Variants in MOB3B observed in about 807,000 individuals in gnomAD.
The protein encoded by MOB3B is MOB kinase activator 3B, also known as MOB kinase activator-like 2B.
Under a neutral mutation model 18.7 loss-of-function variants are expected in MOB3B, and 7 were observed. That is an observed-to-expected ratio of 0.37 (90% CI 0.21 to 0.70). The LOEUF is 0.70. MOB3B is among the 30% of genes least tolerant of loss of function. The probability of loss-of-function intolerance (pLI) is 0.52; values close to 1 mark genes in which losing one functional copy is unlikely to be tolerated. For missense variants in MOB3B, 253 were observed against 281.3 expected (o/e 0.90, Z 0.72); for synonymous variants, 111 against 99.9 (o/e 1.11, Z -0.66).
intron 2 of MOB3B, among the ~76,000 whole-genome samples, chr9:27,413,169 C>T (rs1724552440): frequency 6.6e-6 from 1 of 152,156 alleles, no homozygotes; most frequent in African/African-American, 2.4e-5. Context: ...GGAATTCTGC[C>T]ATATCTCCAT....
At chr9:27,473,385 C>G (rs10812601) in intron 1 of MOB3B, among the ~76,000 whole-genome samples, 101,496 of 151,840 alleles carry the variant, frequency 0.67, 37,067 homozygotes, top group Non-Finnish European at 0.83. Flanking sequence ...TGGAGAGCCA[C>G]GCTCCTAGAG....
At chr9:27,474,755 C>A (rs573701639) in intron 1 of MOB3B, among the ~76,000 whole-genome samples, 5 of 152,306 alleles carry the variant, frequency 3.3e-5, no homozygotes, top group Admixed American at 2.6e-4. Flanking sequence ...TCAAAACAAA[C>A]TTTGAAATCT....
chr9:27,379,499 C>T (rs1821542866), intron 2 of MOB3B, among the ~76,000 whole-genome samples: 1 of 152,130 alleles, frequency 6.6e-6, no homozygotes, highest in Non-Finnish European at 1.5e-5. Flanking sequence ...TACCATCATC[C>T]CCTGTTCACA....
At chr9:27,521,714 A>G (rs1820335013) in intron 1 of MOB3B, among the ~76,000 whole-genome samples, 1 of 152,046 alleles carries the variant, frequency 6.6e-6, no homozygotes, top group Admixed American at 6.6e-5. Flanking sequence ...GTGTGTAATT[A>G]TAAGTATATA....
At chr9:27,493,577 G>T (rs929526714) in intron 1 of MOB3B, among the ~76,000 whole-genome samples, 4 of 151,998 alleles carry the variant, frequency 2.6e-5, no homozygotes, top group African/African-American at 9.7e-5. Flanking sequence ...GGAGGTGAAG[G>T]TTGCAGTGAG....
intron 3 of MOB3B, among the ~76,000 whole-genome samples, chr9:27,340,969 T>A (rs10812570): frequency 2.0e-5 from 3 of 152,092 alleles, no homozygotes; most frequent in Non-Finnish European, 2.9e-5. Context: ...AAAGGGTGAC[T>A]GAGTGCACCC....
At chr9:27,437,349 A>G (rs1417580041) in intron 2 of MOB3B, among the ~76,000 whole-genome samples, 1 of 152,058 alleles carries the variant, frequency 6.6e-6, no homozygotes, top group East Asian at 1.9e-4. Context: ...AATGTTCTAA[A>G]CTCTGACCTA....
rs903373640 is a variant in MOB3B at position 27,383,950 on chromosome 9, C to A, written c.419-24714G>T. Reference sequence around the variant, plus strand: ...AAGTGAATCATAGTTAAATAAAATGCCATTTACTCAAGCCCCTTCCAGGAA... The same window carrying A: ...AAGTGAATCATAGTTAAATAAAATGACATTTACTCAAGCCCCTTCCAGGAA... On this transcript the variant is annotated intron_variant, in intron 2 of 3. Coordinates refer to ENST00000262244, the MANE Select transcript of MOB3B (RefSeq NM_024761.5). Among the ~76,000 whole-genome samples the A allele has an allele frequency of 2.0e-5, 3 of 152,140 alleles. No individual in the cohort carries two copies. The South Asian group carries it at 6.2e-4, about 31-fold the overall frequency.
chr9:27,342,872 T>C (rs1820970332), intron 3 of MOB3B, among the ~76,000 whole-genome samples: 1 of 151,294 alleles, frequency 6.6e-6, no homozygotes, highest in Admixed American at 6.6e-5. Flanking sequence ...GATTGCAGCC[T>C]CTGCCCGGCC....
chr9:27,481,771 C>T (rs1419738311), intron 1 of MOB3B, among the ~76,000 whole-genome samples: 4 of 152,018 alleles, frequency 2.6e-5, no homozygotes, highest in South Asian at 2.1e-4. Flanking sequence ...ATGATCTGCC[C>T]GCCTCGGCCT....
intron 3 of MOB3B, among the ~76,000 whole-genome samples, chr9:27,356,055 G>A (rs1000955974): frequency 4.6e-5 from 7 of 152,154 alleles, no homozygotes; most frequent in African/African-American, 1.7e-4. Context: ...CACTGCATGT[G>A]CTAAGTATCC....
chr9:27,339,225 C>G (rs1169360749), intron 3 of MOB3B, among the ~76,000 whole-genome samples: 4 of 152,144 alleles, frequency 2.6e-5, no homozygotes, highest in Non-Finnish European at 5.9e-5. Context: ...TGGTGGAATC[C>G]TTAGGCGAGG....
intron 2 of MOB3B, chr9:27,378,484 G>T (rs566169943): frequency 6.4e-6 from 3 of 471,076 alleles, no homozygotes; most frequent in East Asian, 1.4e-4. Context: ...TACTCCTGGC[G>T]CAAGGGCAAA....
chr9:27,355,545 G>GT (rs1821176307), intron 3 of MOB3B, among the ~76,000 whole-genome samples: 1 of 148,398 alleles, frequency 6.7e-6, no homozygotes. Context: ...TGAGAGCATA[G>GT]TTTTTTTCTT....
intron 1 of MOB3B, among the ~76,000 whole-genome samples, chr9:27,515,478 T>A (rs553773171): frequency 6.6e-6 from 1 of 152,216 alleles, no homozygotes; most frequent in Non-Finnish European, 1.5e-5. Flanking sequence ...CTCTTTAAAC[T>A]GAGGCTAGTA....
intron 1 of MOB3B, among the ~76,000 whole-genome samples, chr9:27,496,814 A>T (rs1819908091): frequency 6.6e-6 from 1 of 152,218 alleles, no homozygotes; most frequent in Non-Finnish European, 1.5e-5. Flanking sequence ...CAGCCTCATT[A>T]TGCTGTTGTT....
At chr9:27,462,889 G>A (rs777872387) in intron 1 of MOB3B, among the ~76,000 whole-genome samples, 29 of 152,158 alleles carry the variant, frequency 1.9e-4, no homozygotes, top group Admixed American at 1.3e-3. Flanking sequence ...CTGGAAATTC[G>A]AAAATACAGT....
At chr9:27,446,627 T>G (rs1822695906) in intron 2 of MOB3B, among the ~76,000 whole-genome samples, 1 of 152,146 alleles carries the variant, frequency 6.6e-6, no homozygotes, top group Non-Finnish European at 1.5e-5. Context: ...ACCTGATGAG[T>G]CTATTGTATC....
At chr9:27,361,603 T>C (rs979364626) in intron 2 of MOB3B, among the ~76,000 whole-genome samples, 2 of 152,248 alleles carry the variant, frequency 1.3e-5, no homozygotes, top group African/African-American at 4.8e-5. Context: ...GCTCTTACTA[T>C]GTTCTAGGAA....
Sources: allele counts gnomAD v4.1 joint callset (sites outside exome capture counted in the v4.1 genomes callset), GRCh38; gene constraint gnomAD v4.1.1; transcripts MANE v1.5; gene names NCBI Gene and HGNC (gene_info 2026-07-23, HGNC 2026-07-21).